The following VASH2 variants were observed in gnomAD, a reference collection of about 807,000 sequenced individuals.
The protein encoded by VASH2 is vasohibin 2, also known as tubulinyl-Tyr carboxypeptidase 2.
In VASH2, 28 loss-of-function variants were observed where a neutral mutation model predicts 37.2. The observed-to-expected ratio is 0.75, with a 90% CI of 0.56 to 1.03. The LOEUF (loss-of-function observed/expected upper bound fraction) is 1.03, where lower values mean the gene tolerates loss of function less well. Ranked by LOEUF, VASH2 falls within the 50% of genes least tolerant of loss-of-function variation. The probability of loss-of-function intolerance (pLI) is 0.00; values close to 1 mark genes in which losing one functional copy is unlikely to be tolerated. For synonymous variants in VASH2, 188 were observed against 174.7 expected (o/e 1.08, Z -0.60); for missense variants, 419 against 459.1 (o/e 0.91, Z 0.80).
chr1:212,978,676 C>A (rs1322053945), intron 7 of VASH2, among the ~76,000 whole-genome samples: 1 of 152,248 alleles, frequency 6.6e-6, no homozygotes, highest in Non-Finnish European at 1.5e-5. Flanking sequence ...TCCTAAACTG[C>A]TCCCAGTAGG....
At chr1:212,987,432 G>T (rs1424092557) in intron 7 of VASH2, among the ~76,000 whole-genome samples, 2 of 152,036 alleles carry the variant, frequency 1.3e-5, no homozygotes, top group Non-Finnish European at 2.9e-5. Flanking sequence ...AAATTGGCCA[G>T]GTGTGGTGGC....
chr1:212,958,442 A>G (rs987950983), intron 2 of VASH2, among the ~76,000 whole-genome samples: 11 of 152,124 alleles, frequency 7.2e-5, no homozygotes, highest in African/African-American at 2.4e-4. Flanking sequence ...CTTGGGCGCC[A>G]TCGGGTTGCT....
chr1:212,962,342 A>C (rs867752174), intron 3 of VASH2, among the ~76,000 whole-genome samples: 3 of 152,188 alleles, frequency 2.0e-5, no homozygotes, highest in Non-Finnish European at 2.9e-5. Context: ...CCAGGAGGTC[A>C]AGCTTCTGTG....
At chr1:212,963,917 T>C (rs1666758223) in intron 3 of VASH2, among the ~76,000 whole-genome samples, 2 of 152,144 alleles carry the variant, frequency 1.3e-5, no homozygotes, top group African/African-American at 4.8e-5. Context: ...TTGTATAAAA[T>C]TTTTGGTGAG....
intron 2 of VASH2, among the ~76,000 whole-genome samples, chr1:212,952,984 T>C (rs1365137490): frequency 6.6e-6 from 1 of 152,240 alleles, no homozygotes; most frequent in Non-Finnish European, 1.5e-5. Flanking sequence ...CCTGCTTTAG[T>C]GTCAACCATA....
In VASH2 at chr1:212,956,149, G is replaced by A. The variant is rs79698733; in HGVS notation, c.276+4331G>A. Among the ~76,000 whole-genome samples the A allele has an allele frequency of 2.6e-5, 4 of 152,324 alleles. No individual in the cohort carries two copies. The East Asian group carries it at 7.7e-4, about 29-fold the overall frequency. The stretch of plus-strand genomic sequence containing the variant: ...TGGTCTTTCCCTTCTCTGCCACACG[G>A]CAGTTCAGTTACACAACTGTCCATC... On this transcript the variant is annotated intron_variant, in intron 2 of 7. Transcript: ENST00000517399.
At chr1:212,975,739 T>C (rs760734901) in intron 7 of VASH2, among the ~76,000 whole-genome samples, 1 of 152,206 alleles carries the variant, frequency 6.6e-6, no homozygotes, top group Non-Finnish European at 1.5e-5. Context: ...GTCTGATTTA[T>C]TATCTGTTTT....
intron 2 of VASH2, among the ~76,000 whole-genome samples, chr1:212,959,447 TCACACACACA>T (rs60920030): frequency 3.3e-5 from 5 of 150,726 alleles, no homozygotes; most frequent in African/African-American, 1.2e-4. Context: ...ACACGCACAT[TCACACACACA>T]CACACACACA....
chr1:212,978,515 G>A (rs1250223715), intron 7 of VASH2, among the ~76,000 whole-genome samples: 1 of 152,222 alleles, frequency 6.6e-6, no homozygotes, highest in Non-Finnish European at 1.5e-5. Flanking sequence ...AGCCCCAGGA[G>A]CACGGAGGTG....
At chr1:212,976,188 G>A (rs116343649) in intron 7 of VASH2, among the ~76,000 whole-genome samples, 3,231 of 152,296 alleles carry the variant, frequency 0.021, 62 homozygotes, top group Middle Eastern at 0.054. Flanking sequence ...CAGACCTGGA[G>A]TTTGAGGAAG....
chr1:212,985,658 C>T (rs552647985), intron 7 of VASH2, among the ~76,000 whole-genome samples: 1 of 152,140 alleles, frequency 6.6e-6, no homozygotes, highest in African/African-American at 2.4e-5. Context: ...CTCAAATGAT[C>T]CACCCACCTC....
intron 7 of VASH2, among the ~76,000 whole-genome samples, chr1:212,979,461 A>T (rs941968298): frequency 3.3e-5 from 5 of 152,132 alleles, no homozygotes; most frequent in Admixed American, 2.0e-4. Flanking sequence ...CAAAGGGTGG[A>T]AAATTACCAT....
chr1:212,965,315 G>T (rs922815801), intron 3 of VASH2, among the ~76,000 whole-genome samples: 1 of 152,222 alleles, frequency 6.6e-6, no homozygotes, highest in African/African-American at 2.4e-5. Flanking sequence ...GGAGGCTGAG[G>T]CAGGAAAATC....
In VASH2 at chr1:212,953,230, C is replaced by CGGG. The variant is rs60925258; in HGVS notation, c.276+1419_276+1421dup. 7.2e-3 allele frequency among the ~76,000 whole-genome samples: 901 copies of CGGG among 125,646 alleles called. 11 individuals are homozygous for CGGG. The highest frequency in any genetic ancestry group is 0.023 in the Middle Eastern group (6 of 264). The allele number at this position is 125,646 out of a possible 152,430, so 82.4% of individuals were successfully genotyped here. A position where few individuals can be genotyped will look rare whatever the true frequency, so the allele number is the denominator to read the frequency against. Reference sequence around the variant, plus strand: ...TCCTCCAACCATGTATGCGGGTGCGCGGGGGGGGGTGCATTCTCTATGTGG... The same window carrying CGGG: ...TCCTCCAACCATGTATGCGGGTGCGCGGGGGGGGGGGGTGCATTCTCTATGTGG... On this transcript the variant is annotated intron_variant, in intron 2 of 7. Transcript: ENST00000517399.
chr1:212,959,885 C>T (rs1425747790), intron 2 of VASH2, among the ~76,000 whole-genome samples: 1 of 152,228 alleles, frequency 6.6e-6, no homozygotes, highest in African/African-American at 2.4e-5. Flanking sequence ...TCCTCAGGCC[C>T]TTTCTGCTTC....
chr1:212,984,115 C>T (rs958985001), intron 7 of VASH2, among the ~76,000 whole-genome samples: 3 of 152,130 alleles, frequency 2.0e-5, no homozygotes, highest in Non-Finnish European at 4.4e-5. Flanking sequence ...ATGGTGATTT[C>T]CTGGTACCTG....
chr1:212,979,032 G>T (rs1390373970), intron 7 of VASH2, among the ~76,000 whole-genome samples: 1 of 146,798 alleles, frequency 6.8e-6, no homozygotes, highest in East Asian at 2.0e-4. Flanking sequence ...TGTGTAGGAG[G>T]AGAGGGAAGA....
Position 212,981,117 on chromosome 1 carries a change from T to A in VASH2, c.995+7047T>A, listed in dbSNP as rs77378706. ...GGGTTCTTGTCCCGGAAAGGAGAAGTGACATCAGAGCCTGGAAACTGTGCC... is the reference window on the plus strand; with the variant it reads ...GGGTTCTTGTCCCGGAAAGGAGAAGAGACATCAGAGCCTGGAAACTGTGCC... On this transcript the variant is annotated intron_variant, in intron 7 of 7. Transcript: ENST00000517399. 1.3e-4 allele frequency among the ~76,000 whole-genome samples: 20 copies of A among 152,230 alleles called. No homozygotes were observed. The East Asian group carries it at 3.9e-3, about 29-fold the overall frequency.
chr1:212,981,922 A>G (rs1251019770), intron 7 of VASH2, among the ~76,000 whole-genome samples: 1 of 152,182 alleles, frequency 6.6e-6, no homozygotes, highest in South Asian at 2.1e-4. Flanking sequence ...GGCTGCACAG[A>G]TGGCACCATC....
Sources: allele counts gnomAD v4.1 joint callset (sites outside exome capture counted in the v4.1 genomes callset), GRCh38; gene constraint gnomAD v4.1.1; transcripts MANE v1.5; gene names NCBI Gene and HGNC (gene_info 2026-07-23, HGNC 2026-07-21).